PRPF31: variants seen among roughly 807,000 people sequenced by gnomAD.
The protein encoded by PRPF31 is pre-mRNA processing factor 31.
In PRPF31, 12 loss-of-function variants were observed where a neutral mutation model predicts 60.4. The observed-to-expected ratio is 0.20, with a 90% CI of 0.13 to 0.32. PRPF31 has a LOEUF of 0.32. Ranked by LOEUF, PRPF31 falls within the 10% of genes least tolerant of loss-of-function variation. The probability of loss-of-function intolerance (pLI) is 1.00; values close to 1 mark genes in which losing one functional copy is unlikely to be tolerated. For missense variants in PRPF31, 431 were observed against 687.1 expected (o/e 0.63, Z 4.17); for synonymous variants, 287 against 287.9 (o/e 1.00, Z 0.03).
chr19:54,128,977 G>C (rs608608), intron 11 of PRPF31, 80 bp from the exon 12 acceptor site: 234,461 of 1,434,588 alleles, frequency 0.16, 21,412 homozygotes, highest in Admixed American at 0.34. Context: ...GCTGGGCTTC[G>C]GGCTGGTGGA....
chr19:54,131,348 G>A lies in PRPF31; in HGVS notation c.1416G>A (p.Val472=), dbSNP rs145958840. 2,044 of 1,614,068 alleles carry A rather than the reference G, an allele frequency of 1.3e-3. 25 individuals carry two copies. The African/African-American group carries it at 0.024, about 19-fold the overall frequency. ...IVNPQAAEKK[V]AEANQKYFSS... ...ACCCACAGGCGGCAGAGAAGAAGGT[G>A]GCTGAGGCCAACCAGAAGTATTTCT... Residue 472 remains valine, a synonymous_variant, in exon 14 of 14, where the codon GTG becomes GTA. Transcript: ENST00000321030.
intron 3 of PRPF31, chr19:54,120,082 G>C (rs774777587): frequency 6.6e-6 from 1 of 152,188 alleles, no homozygotes; most frequent in Non-Finnish European, 1.5e-5. Flanking sequence ...AGGAAGAATC[G>C]ATAGCTGAAT....
chr19:54,126,407 G>A lies in PRPF31; in HGVS notation c.856-121G>A. 5.7e-6 allele frequency: 5 copies of A among 872,900 alleles called. No homozygotes were observed. In the South Asian group the frequency reaches 7.1e-5, roughly 12 times the overall value. 54.1% of individuals were successfully genotyped at this position (872,900 alleles called of 1,614,324 possible). A position where few individuals can be genotyped will look rare whatever the true frequency, so the allele number is the denominator to read the frequency against. On this transcript the variant is annotated intron_variant, in intron 8 of 13. Transcript: ENST00000321030. ...AGAGCACACACCTCTAGAGCCCAAG[G>A]GTGGAAAGCCCCCTTCCAGGACCCC...
At chr19:54,122,757 A>G in intron 5 of PRPF31, 163 bp downstream of exon 5, 5 of 711,128 alleles carry the variant, frequency 7.0e-6, no homozygotes, top group Non-Finnish European at 1.3e-5. Flanking sequence ...GAGCCTGGAC[A>G]GGACTTTCTC....
At chr19:54,119,862 T>C (rs1376567050) in intron 3 of PRPF31, 4 of 152,072 alleles carry the variant, frequency 2.6e-5, no homozygotes, top group Non-Finnish European at 4.4e-5. Context: ...GGGAAAGAAG[T>C]GTAGTGAGAG....
chr19:54,124,655 C>T lies in PRPF31; in HGVS notation c.854C>T (p.Pro285Leu), dbSNP rs1455732984. 3.1e-6 allele frequency: 5 copies of T among 1,612,546 alleles called. No homozygotes were observed. Among genetic ancestry groups the T allele is most frequent in the Non-Finnish European group, 2.5e-6 (3 of 1,179,984 alleles). ...YHSDIVQSLPPDLRRKAARLV... is the reference protein window; with the variant it reads ...YHSDIVQSLPLDLRRKAARLV... Reference sequence around the variant, plus strand: ...AGTGACATCGTGCAGTCCCTGCCACCGGTGAGCCCACTGCGTCATGGCCCC... The same window carrying T: ...AGTGACATCGTGCAGTCCCTGCCACTGGTGAGCCCACTGCGTCATGGCCCC... Residue 285 changes from proline (P) to leucine (L), a missense_variant and splice_region_variant, in exon 8 of 14, where the codon CCG becomes CTG. This residue lies in a region of PRPF31 where 314 missense variants were observed against 475.3 expected (regional missense o/e 0.66). Transcript: ENST00000321030.
rs373990452 is a variant in PRPF31, at chr19:54,118,252, C to T, written c.-8-19C>T. On this transcript the variant is annotated intron_variant, in intron 1 of 13. Coordinates refer to ENST00000321030, the MANE Select transcript of PRPF31 (RefSeq NM_015629.4). ...TTTGTCGGGGCAAGTTTTTAGGGAA[C>T]GCTGCTGTCCCTCCCCAGGCCTCGG... is the stretch of plus-strand genomic sequence containing the variant. 5.3e-5 allele frequency: 85 copies of T among 1,612,088 alleles called. No individual in the cohort carries two copies. Among genetic ancestry groups the T allele is most frequent in the African/African-American group, 1.3e-4 (10 of 74,864 alleles).
chr19:54,122,208 G>T (rs2073808764), intron 4 of PRPF31: 1 of 623,622 alleles, frequency 1.6e-6, no homozygotes, highest in Non-Finnish European at 2.9e-6. Context: ...GCCTCACGGT[G>T]CGAGGTGACT....
intron 1 of PRPF31, among the ~76,000 whole-genome samples, chr19:54,117,521 C>A (rs1442858400): frequency 6.6e-6 from 1 of 152,130 alleles, no homozygotes; most frequent in Non-Finnish European, 1.5e-5. Flanking sequence ...TGGAGTTTTG[C>A]AGCTGGGTTT....
chr19:54,128,242 G>T, intron 10 of PRPF31, 42 bp downstream of exon 10: 1 of 1,563,430 alleles, frequency 6.4e-7, no homozygotes, highest in Non-Finnish European at 8.7e-7. Context: ...GGGTCATGGA[G>T]GGGAGAAGCC....
rs957155447 is a variant in PRPF31, at chr19:54,118,739, C to G, written c.238+106C>G. On this transcript the variant is annotated intron_variant, in intron 3 of 13. Coordinates refer to ENST00000321030, the MANE Select transcript of PRPF31 (RefSeq NM_015629.4). ...GGTATATCTCCTTCTCAGCCTTTTC[C>G]AGAGCCTTCTTTTTTTTTTGTTTCA... The G allele has an allele frequency of 3.5e-6, 4 of 1,130,716 alleles. No individual in the cohort carries two copies. The South Asian group carries it at 5.3e-5, about 15-fold the overall frequency. The allele number at this position is 1,130,716 out of a possible 1,614,324, so 70.0% of individuals were successfully genotyped here.
intron 11 of PRPF31, 130 bp downstream of exon 11, chr19:54,128,507 C>CCT (rs1555794356): frequency 2.1e-6 from 2 of 946,564 alleles, no homozygotes; most frequent in African/African-American, 3.3e-5. Context: ...CAGCCTCCCC[C>CCT]CCCCCGGCCT....
At position 54,123,563 on chromosome 19, in the gene PRPF31, A is replaced by G. The variant is rs587776590; in HGVS notation, c.527+3A>G. ...GTCACCGCCTCCACCACCCAGGGGTATGTCCGCTTCGAGGGAGGCGCCGGG... is the reference window on the plus strand; with the variant it reads ...GTCACCGCCTCCACCACCCAGGGGTGTGTCCGCTTCGAGGGAGGCGCCGGG... On this transcript the variant is annotated splice_donor_region_variant and intron_variant, in intron 6 of 13. Coordinates refer to ENST00000321030, the MANE Select transcript of PRPF31 (RefSeq NM_015629.4). 6 of 1,613,712 alleles carry G rather than the reference A, an allele frequency of 3.7e-6. No individual in the cohort carries two copies. Among genetic ancestry groups the G allele is most frequent in the Non-Finnish European group, 5.1e-6 (6 of 1,179,612 alleles).
Position 54,129,122 on chromosome 19 carries a change from T to A in PRPF31, c.1212T>A (p.Ser404Arg). ...TGGGCCACCTGGGCAAGTCGGGCAG[T>A]GGGCGTGTGCGGCAGACACAGGTAA... ...FSLGHLGKSG[S>R]GRVRQTQVNE... is the part of the protein sequence containing the mutation. Residue 404 changes from serine (S) to arginine (R), a missense_variant, in exon 12 of 14, where the codon AGT (serine) becomes AGA (arginine). Physicochemically the swap from Ser to Arg is moderately radical, Grantham distance 110. Coordinates refer to ENST00000321030, the MANE Select transcript of PRPF31 (RefSeq NM_015629.4). 1 of 1,583,066 alleles carries A rather than the reference T, an allele frequency of 6.3e-7. No individual in the cohort carries two copies.
chr19:54,123,413 T>C (rs1018550600), intron 5 of PRPF31, 41 bp from the exon 6 acceptor site: 14 of 1,507,196 alleles, frequency 9.3e-6, no homozygotes, highest in African/African-American at 4.1e-5. Flanking sequence ...CGAGCCTTCC[T>C]GAGTTCCCGA....
intron 5 of PRPF31, chr19:54,123,215 C>T (rs2073836309): frequency 1.7e-6 from 1 of 599,076 alleles, no homozygotes; most frequent in Non-Finnish European, 3.0e-6. Context: ...CCAGACGCCA[C>T]TCTGCCCGGG....
intron 13 of PRPF31, among the ~76,000 whole-genome samples, chr19:54,130,427 C>T (rs1390186781): frequency 6.6e-6 from 1 of 152,148 alleles, no homozygotes; most frequent in African/African-American, 2.4e-5. Flanking sequence ...AGATCGAGAC[C>T]ATCCTGGCTA....
intron 13 of PRPF31, among the ~76,000 whole-genome samples, chr19:54,130,604 G>A (rs1255786668): frequency 2.7e-5 from 4 of 150,836 alleles, no homozygotes; most frequent in Non-Finnish European, 5.9e-5. Context: ...CAGCCTGGGC[G>A]ACAGAGCCAG....
intron 1 of PRPF31, among the ~76,000 whole-genome samples, chr19:54,117,108 G>GAA (rs2073664359): frequency 6.6e-6 from 1 of 151,790 alleles, no homozygotes. Flanking sequence ...AAAAAGAAAA[G>GAA]AAAAGAAAAA....
Sources: allele counts gnomAD v4.1 joint callset (sites outside exome capture counted in the v4.1 genomes callset), GRCh38; gene constraint gnomAD v4.1.1; regional missense constraint gnomAD v4.1.1; transcripts MANE v1.5; gene names NCBI Gene and HGNC (gene_info 2026-07-23, HGNC 2026-07-21).